Variants in SGTA observed in about 807,000 individuals in gnomAD.
The protein encoded by SGTA is small glutamine-rich tetratricopeptide repeat-containing protein alpha.
SGTA carries 22 observed loss-of-function variants against 44.3 expected under a neutral mutation model. The observed-to-expected ratio is 0.50, with a 90% CI of 0.36 to 0.71. The LOEUF is 0.71. SGTA is among the 30% of genes least tolerant of loss of function. SGTA has a pLI of 0.00. For synonymous variants in SGTA, 174 were observed against 177.6 expected (o/e 0.98, Z 0.16); for missense variants, 341 against 435.9 (o/e 0.78, Z 1.94).
intron 1 of SGTA, among the ~76,000 whole-genome samples, chr19:2,774,435 G>T (rs934770429): frequency 2.6e-5 from 4 of 152,168 alleles, no homozygotes; most frequent in Non-Finnish European, 4.4e-5. Flanking sequence ...TGCCCGAGGG[G>T]CAGCTTCTTT....
rs4807325 is a variant in SGTA at position 2,763,225 on chromosome 19, G to A, written c.497+428C>T. Among the ~76,000 whole-genome samples, 2 of 152,002 alleles carry A rather than the reference G, an allele frequency of 1.3e-5. No homozygotes were observed. Among genetic ancestry groups the A allele is most frequent in the Non-Finnish European group, 2.9e-5 (2 of 67,984 alleles). On this transcript the variant is annotated intron_variant, in intron 6 of 11. Coordinates refer to ENST00000221566, the MANE Select transcript of SGTA (RefSeq NM_003021.4). The surrounding 1 kb of genome is among the most constrained non-coding windows in gnomAD (Gnocchi z 5.8). ...CATTCAGAGAAGCAGGCGAATGCAC[G>A]CTTATGCTGGGAGGGCGGCACCGGC...
At chr19:2,782,704 C>G (rs768823870) in intron 1 of SGTA, 2 of 152,350 alleles carry the variant, frequency 1.3e-5, no homozygotes, top group Middle Eastern at 3.4e-3. Context: ...TTGGAGTTCT[C>G]AGATTCCGCT....
chr19:2,769,569 A>C (rs1224377534), intron 1 of SGTA, among the ~76,000 whole-genome samples: 3 of 152,068 alleles, frequency 2.0e-5, no homozygotes, highest in Admixed American at 2.0e-4. Context: ...CCCTTTCCTC[A>C]ATTTACCTCT....
chr19:2,771,345 A>T (rs1915297291), intron 1 of SGTA, among the ~76,000 whole-genome samples: 1 of 152,116 alleles, frequency 6.6e-6, no homozygotes, highest in Admixed American at 6.5e-5. Flanking sequence ...AATCACTTGA[A>T]CCAGGGAGTT....
chr19:2,757,824 C>T, intron 9 of SGTA, 42 bp from the exon 10 acceptor site: 1 of 1,385,250 alleles, frequency 7.2e-7, no homozygotes, highest in Non-Finnish European at 9.8e-7. Flanking sequence ...GACAGCCTGA[C>T]CGCCACCCCC....
chr19:2,783,026 G>A (rs933105860), intron 1 of SGTA, among the ~76,000 whole-genome samples: 1 of 152,220 alleles, frequency 6.6e-6, no homozygotes, highest in African/African-American at 2.4e-5. Context: ...CAGGACCTGG[G>A]GCCTGGGGAA....
Position 2,765,369 on chromosome 19 carries a change from G to A in SGTA, c.293-84C>T. ...GGAGAGAGGAAAACACCGGCCTGGT[G>A]TCCACACAGACCCGAGGGGGCGTCA... is the stretch of plus-strand genomic sequence containing the variant. On this transcript the variant is annotated intron_variant, in intron 4 of 11. Transcript: ENST00000221566. This position sits in a 1 kb window ranked among gnomAD's most constrained non-coding sequence, Gnocchi z 5.5. 9.8e-7 allele frequency: 1 copy of A among 1,015,614 alleles called. No individual in the cohort carries two copies. The highest frequency in any genetic ancestry group is 1.5e-6 in the Non-Finnish European group (1 of 663,366). The allele number at this position is 1,015,614 out of a possible 1,614,324, so 62.9% of individuals were successfully genotyped here. A position where few individuals can be genotyped will look rare whatever the true frequency, so the allele number is the denominator to read the frequency against.
Position 2,756,246 on chromosome 19 carries a change from T to TA in SGTA, c.*7-314dup, listed in dbSNP as rs914349070. Among the ~76,000 whole-genome samples, 21 of 147,560 alleles carry TA rather than the reference T, an allele frequency of 1.4e-4. No individual in the cohort carries two copies. In the East Asian group the frequency reaches 2.0e-3, roughly 14 times the overall value. On this transcript the variant is annotated intron_variant, in intron 11 of 11. Transcript: ENST00000221566. ...AAGGAAAAATAAATAAAAGCTTATTTAAAAAAAAAAGGGAAGACTGGAAGA... is the reference window on the plus strand; with the variant it reads ...AAGGAAAAATAAATAAAAGCTTATTTAAAAAAAAAAAGGGAAGACTGGAAGA...
Position 2,763,588 on chromosome 19 carries a change from A to AAGCAGG in SGTA, c.497+59_497+64dup. ...TGGGAAAAAAGCCACACAAGAGAGG[A>AAGCAGG]AGCAGGAGCAGGAGAGGAGGGGTCC... is the stretch of plus-strand genomic sequence containing the variant. On this transcript the variant is annotated intron_variant, in intron 6 of 11. Coordinates refer to ENST00000221566, the MANE Select transcript of SGTA (RefSeq NM_003021.4). This position sits in a 1 kb window ranked among gnomAD's most constrained non-coding sequence, Gnocchi z 5.8. 9.0e-7 allele frequency: 1 copy of AAGCAGG among 1,106,878 alleles called. No individual in the cohort carries two copies. The highest frequency in any genetic ancestry group is 1.3e-6 in the Non-Finnish European group (1 of 756,276). The allele number at this position is 1,106,878 out of a possible 1,614,324, so 68.6% of individuals were successfully genotyped here. A position where few individuals can be genotyped will look rare whatever the true frequency, so the allele number is the denominator to read the frequency against.
intron 4 of SGTA, among the ~76,000 whole-genome samples, chr19:2,766,460 T>C (rs1915145505): frequency 2.0e-5 from 3 of 152,004 alleles, no homozygotes; most frequent in Admixed American, 2.0e-4. Context: ...GAGACGGAGT[T>C]TCACTCTTAT....
Position 2,759,246 on chromosome 19 carries a change from T to C in SGTA, c.737+11A>G, listed in dbSNP as rs767844204. ...CACAACAAGACCCGAAGAAACCCGGTTGTCACTTACAGCTGCTGAATCTGG... is the reference window on the plus strand; with the variant it reads ...CACAACAAGACCCGAAGAAACCCGGCTGTCACTTACAGCTGCTGAATCTGG... On this transcript the variant is annotated intron_variant, in intron 9 of 11. Coordinates refer to ENST00000221566, the MANE Select transcript of SGTA (RefSeq NM_003021.4). The C allele has an allele frequency of 5.0e-6, 8 of 1,613,544 alleles. No individual in the cohort carries two copies. The highest frequency in any genetic ancestry group is 6.8e-6 in the Non-Finnish European group (8 of 1,179,496).
At chr19:2,759,377 G>T in intron 8 of SGTA, 83 bp from the exon 9 acceptor site, 2 of 1,356,874 alleles carry the variant, frequency 1.5e-6, no homozygotes, top group Non-Finnish European at 2.1e-6. Context: ...ATCTTAACCA[G>T]CCTTGGTTCT....
At chr19:2,781,528 T>C (rs1915575533) in intron 1 of SGTA, among the ~76,000 whole-genome samples, 2 of 152,126 alleles carry the variant, frequency 1.3e-5, no homozygotes, top group Admixed American at 1.3e-4. Context: ...CAGAGGTGGA[T>C]TTGGCCTTCT....
At chr19:2,760,210 A>G (rs1308393399) in intron 8 of SGTA, among the ~76,000 whole-genome samples, 1 of 152,090 alleles carries the variant, frequency 6.6e-6, no homozygotes, top group Non-Finnish European at 1.5e-5. Context: ...ATGAATGGGC[A>G]TGGCTGTGTG....
In SGTA at chr19:2,755,513, G is replaced by A. The variant is rs1010217716; in HGVS notation, c.*427C>T. 5.1e-6 allele frequency: 5 copies of A among 986,732 alleles called. No individual in the cohort carries two copies. Among genetic ancestry groups the A allele is most frequent in the African/African-American group, 3.5e-5 (2 of 57,314 alleles). The allele number at this position is 986,732 out of a possible 1,614,324, so 61.1% of individuals were successfully genotyped here. A position where few individuals can be genotyped will look rare whatever the true frequency, so the allele number is the denominator to read the frequency against. ...ACTCGGAAAGAGGCTTCTCACAGAC[G>A]GGAGAGTTCCTGCAGACAGACCACG... On this transcript the variant is annotated 3_prime_UTR_variant, in exon 12 of 12. Transcript: ENST00000221566. The surrounding 1 kb of genome is among the most constrained non-coding windows in gnomAD (Gnocchi z 5.2).
chr19:2,771,575 C>CGGGGGGGGGGGGG (rs5741784), intron 1 of SGTA, among the ~76,000 whole-genome samples: 4 of 109,292 alleles, frequency 3.7e-5, no homozygotes, highest in African/African-American at 1.1e-4. Flanking sequence ...ACCTCCCCAT[C>CGGGGGGGGGGGGG]GGGGGGGGGG....
At chr19:2,781,765 C>A (rs1915579686) in intron 1 of SGTA, among the ~76,000 whole-genome samples, 1 of 152,066 alleles carries the variant, frequency 6.6e-6, no homozygotes. Flanking sequence ...GGTGCACACA[C>A]AAAACTTTGT....
intron 1 of SGTA, chr19:2,770,841 T>TC (rs1334544977): frequency 6.5e-6 from 1 of 153,284 alleles, no homozygotes; most frequent in African/African-American, 2.4e-5. Context: ...CTTGGGGCCT[T>TC]CAGAGGGAAC....
rs1915071224 is a variant in SGTA at position 2,763,884 on chromosome 19, C to G, written c.393-127G>C. ...GAGGAACGGCCTCAGTTTTCCCCAT[C>G]TGTAAAATGGGGCTGATGGGGAAAG... is the stretch of plus-strand genomic sequence containing the variant. On this transcript the variant is annotated intron_variant, in intron 5 of 11. Transcript: ENST00000221566. This position sits in a 1 kb window ranked among gnomAD's most constrained non-coding sequence, Gnocchi z 5.8. 2.9e-6 allele frequency: 2 copies of G among 688,458 alleles called. No homozygotes were observed. The highest frequency in any genetic ancestry group is 5.5e-5 in the East Asian group (2 of 36,100). The allele number at this position is 688,458 out of a possible 1,614,324, so 42.6% of individuals were successfully genotyped here. A position where few individuals can be genotyped will look rare whatever the true frequency, so the allele number is the denominator to read the frequency against.
Sources: gnomAD v4.1 joint callset for allele counts (sites outside exome capture counted in the v4.1 genomes callset) on GRCh38, gnomAD v4.1.1 for gene constraint, Gnocchi (gnomAD v3.1) non-coding constraint, MANE v1.5 for transcripts, NCBI Gene and HGNC (gene_info 2026-07-23, HGNC 2026-07-21) for gene names.